Variants in FBXL20 observed in about 807,000 individuals in gnomAD.
FBXL20 encodes F-box/LRR-repeat protein 20.
FBXL20 carries 11 observed loss-of-function variants against 64.0 expected under a neutral mutation model. That is an observed-to-expected ratio of 0.17 (90% CI 0.11 to 0.28). The LOEUF is 0.28. Ranked by LOEUF, FBXL20 falls within the 10% of genes least tolerant of loss-of-function variation. The pLI is 1.00. For synonymous variants in FBXL20, 184 were observed against 189.0 expected, an observed-to-expected ratio of 0.97 and a Z score of 0.22; for missense variants, 303 against 526.2, an observed-to-expected ratio of 0.58 and a Z score of 4.15.
intron 10 of FBXL20, among the ~76,000 whole-genome samples, chr17:39,271,395 C>T (rs897328447): frequency 4.6e-5 from 7 of 151,332 alleles, no homozygotes; most frequent in Non-Finnish European, 5.9e-5. Context: ...GTCAGGAGTT[C>T]GAGACCAGCC....
intron 12 of FBXL20, among the ~76,000 whole-genome samples, chr17:39,268,087 C>T (rs1204916272): frequency 2.0e-5 from 3 of 152,074 alleles, no homozygotes; most frequent in Non-Finnish European, 2.9e-5. Context: ...TAATGTGGCT[C>T]ACGTCTGTAA....
At chr17:39,318,059 A>G (rs1405748356) in intron 2 of FBXL20, among the ~76,000 whole-genome samples, 7 of 152,092 alleles carry the variant, frequency 4.6e-5, no homozygotes, top group Non-Finnish European at 1.0e-4. Context: ...AGGAAACCTC[A>G]TATTTGAAGA....
At chr17:39,402,219 A>G (rs1216596619), upstream of FBXL20, 3 of 1,231,716 alleles carry the variant, frequency 2.4e-6, no homozygotes, top group African/African-American at 3.1e-5. Flanking sequence ...GCTCGGAGCC[A>G]TTTTCCTCCT....
At chr17:39,286,204 T>G (rs1250522710) in intron 6 of FBXL20, among the ~76,000 whole-genome samples, 1 of 152,184 alleles carries the variant, frequency 6.6e-6, no homozygotes, top group Non-Finnish European at 1.5e-5. Flanking sequence ...ATCAGTAAAC[T>G]TCAACATTTA....
chr17:39,352,405 A>G (rs748581260), intron 1 of FBXL20, among the ~76,000 whole-genome samples: 16 of 152,072 alleles, frequency 1.1e-4, no homozygotes, highest in Non-Finnish European at 1.5e-4. Context: ...AGAAATGGCC[A>G]TGCACAGTGG....
chr17:39,382,874 A>G (rs1295958746), intron 1 of FBXL20, among the ~76,000 whole-genome samples: 1 of 151,654 alleles, frequency 6.6e-6, no homozygotes, highest in Non-Finnish European at 1.5e-5. Context: ...ATTTAAGAAA[A>G]GGTCAGGTGC....
chr17:39,270,629 T>C (rs1360009507), intron 11 of FBXL20, among the ~76,000 whole-genome samples, 167 bp downstream of exon 11: 1 of 152,182 alleles, frequency 6.6e-6, no homozygotes, highest in Non-Finnish European at 1.5e-5. Context: ...AGGAGCAGTT[T>C]GTATTCTTAT....
At chr17:39,352,443 G>A (rs547799785) in intron 1 of FBXL20, among the ~76,000 whole-genome samples, 176 of 151,988 alleles carry the variant, frequency 1.2e-3, no homozygotes, top group Admixed American at 2.6e-3. Context: ...AGCACTTTCG[G>A]AGGCTGAGGC....
chr17:39,275,137 T>C, intron 9 of FBXL20, 37 bp from the exon 10 acceptor site: 1 of 1,565,144 alleles, frequency 6.4e-7, no homozygotes, highest in South Asian at 1.2e-5. Flanking sequence ...TAGATATTAG[T>C]ATCTTAGCAA....
chr17:39,291,490 G>A (rs2047039362), intron 6 of FBXL20, among the ~76,000 whole-genome samples: 1 of 138,308 alleles, frequency 7.2e-6, no homozygotes, highest in South Asian at 2.3e-4. Flanking sequence ...GTGGAGTACA[G>A]TGGCACAATC....
In FBXL20 at chr17:39,264,036, T is replaced by A. The variant is rs878857564; in HGVS notation, c.1203+139A>T. On this transcript the variant is annotated intron_variant, in intron 14 of 14. Transcript: ENST00000264658. The stretch of plus-strand genomic sequence containing the variant: ...GGGAAAAACTATCTGTCCTTAGGTT[T>A]GCACTTTTTTCTCTTTCCCTTGTTA... The A allele has an allele frequency of 2.6e-5, 24 of 912,628 alleles. No individual in the cohort carries two copies. The Admixed American group carries it at 3.8e-4, about 15-fold the overall frequency. The allele number at this position is 912,628 out of a possible 1,614,324, so 56.5% of individuals were successfully genotyped here.
intron 1 of FBXL20, among the ~76,000 whole-genome samples, chr17:39,392,044 G>A (rs879464225): frequency 4.6e-5 from 7 of 152,078 alleles, no homozygotes; most frequent in Non-Finnish European, 7.4e-5. Context: ...GGCTGAGGCA[G>A]GAGAATCGCA....
chr17:39,317,571 T>C (rs2047305436), intron 2 of FBXL20, among the ~76,000 whole-genome samples: 1 of 148,960 alleles, frequency 6.7e-6, no homozygotes, highest in Admixed American at 6.7e-5. Flanking sequence ...GAATTCCAAA[T>C]AATATGGTGA....
intron 9 of FBXL20, among the ~76,000 whole-genome samples, 162 bp downstream of exon 9, chr17:39,281,227 T>C (rs1042256423): frequency 6.6e-6 from 1 of 152,322 alleles, no homozygotes; most frequent in South Asian, 2.1e-4. Context: ...TAGGAATGAG[T>C]ATTGTTAAGC....
At chr17:39,343,074 T>C (rs907702575) in intron 2 of FBXL20, 106 bp downstream of exon 2, 2 of 616,452 alleles carry the variant, frequency 3.2e-6, no homozygotes, top group Non-Finnish European at 2.7e-6. Context: ...AAAATTCAGA[T>C]ACAGATACTA....
intron 2 of FBXL20, among the ~76,000 whole-genome samples, chr17:39,309,729 T>C (rs939190453): frequency 6.7e-6 from 1 of 149,640 alleles, no homozygotes; most frequent in African/African-American, 2.5e-5. Context: ...GAGGCGCAGG[T>C]TGCAGTGAGC....
intron 4 of FBXL20, 77 bp from the exon 5 acceptor site, chr17:39,299,161 A>T: frequency 2.0e-6 from 2 of 1,012,314 alleles, no homozygotes; most frequent in Non-Finnish European, 3.0e-6. Context: ...ATTTTTAACG[A>T]TTTATAAACA....
At chr17:39,285,686 T>C (rs913156135) in intron 6 of FBXL20, 113 bp from the exon 7 acceptor site, 6 of 484,772 alleles carry the variant, frequency 1.2e-5, no homozygotes, top group Non-Finnish European at 2.0e-5. Context: ...CTGTAAAATT[T>C]TCATACCCCT....
At chr17:39,398,102 T>C (rs1260584285) in intron 1 of FBXL20, among the ~76,000 whole-genome samples, 6 of 121,232 alleles carry the variant, frequency 4.9e-5, no homozygotes, top group Non-Finnish European at 8.3e-5. Flanking sequence ...GCCAACATGG[T>C]GAAACCCCGT....
Sources: allele counts gnomAD v4.1 joint callset (sites outside exome capture counted in the v4.1 genomes callset), GRCh38; gene constraint gnomAD v4.1.1; transcripts MANE v1.5; gene names NCBI Gene and HGNC (gene_info 2026-07-23, HGNC 2026-07-21).